Variants in ELAVL4 observed in about 807,000 individuals in gnomAD.
The protein encoded by ELAVL4 is ELAV like RNA binding protein 4.
A neutral mutation model predicts 35.6 loss-of-function variants in ELAVL4; 1 was observed. The ratio of observed to expected loss-of-function variants is 0.03; its 90% CI spans 0.01 to 0.13. The LOEUF (loss-of-function observed/expected upper bound fraction) is 0.13, where lower values mean the gene tolerates loss of function less well. Ranked by LOEUF, ELAVL4 falls within the 10% of genes least tolerant of loss-of-function variation. ELAVL4 has a pLI of 1.00. For synonymous variants in ELAVL4, 156 were observed against 171.0 expected, an observed-to-expected ratio of 0.91 and a Z score of 0.69; for missense variants, 267 against 464.9, an observed-to-expected ratio of 0.57 and a Z score of 3.91.
At chr1:50,067,696 T>C (rs994513298) in intron 1 of ELAVL4, among the ~76,000 whole-genome samples, 10 of 152,250 alleles carry the variant, frequency 6.6e-5, no homozygotes, top group Admixed American at 1.3e-4. Flanking sequence ...AAGCTTATTG[T>C]ATTAGTCCAT....
At chr1:50,195,417 G>A (rs1300695709) in intron 4 of ELAVL4, 144 bp from the exon 5 acceptor site, 5 of 818,652 alleles carry the variant, frequency 6.1e-6, no homozygotes, top group African/African-American at 3.4e-5. Context: ...TTTGATTGGT[G>A]AGAGAGATCA....
At chr1:50,106,166 T>G (rs1177897048), upstream of ELAVL4, 9 of 541,164 alleles carry the variant, frequency 1.7e-5, no homozygotes, top group Non-Finnish European at 2.5e-5. Flanking sequence ...CCTAGCCCAT[T>G]GTGCCACGTA....
At chr1:50,110,501 T>A (rs1167774656) in intron 1 of ELAVL4, among the ~76,000 whole-genome samples, 1 of 152,166 alleles carries the variant, frequency 6.6e-6, no homozygotes, top group African/African-American at 2.4e-5. Flanking sequence ...TTTAGCATCA[T>A]CTTTTTCTGA....
At chr1:50,171,347 G>C (rs1007939097) in intron 2 of ELAVL4, among the ~76,000 whole-genome samples, 3 of 152,190 alleles carry the variant, frequency 2.0e-5, no homozygotes, top group African/African-American at 7.2e-5. Context: ...TAGAGAGAAA[G>C]TGTGAACTGA....
At chr1:50,131,767 G>T (rs1422270601) in intron 1 of ELAVL4, among the ~76,000 whole-genome samples, 1 of 151,468 alleles carries the variant, frequency 6.6e-6, no homozygotes, top group African/African-American at 2.4e-5. Context: ...TCCAGCCTGG[G>T]GACAGAGCAA....
At chr1:50,116,395 G>GGTGTGT (rs139106566) in intron 1 of ELAVL4, among the ~76,000 whole-genome samples, 3 of 149,456 alleles carry the variant, frequency 2.0e-5, no homozygotes, top group Non-Finnish European at 4.5e-5. Context: ...TAAATACTGT[G>GGTGTGT]GTGTGTGTGT....
intron 1 of ELAVL4, 92 bp from the exon 2 acceptor site, chr1:50,144,865 T>G: frequency 6.4e-7 from 1 of 1,556,400 alleles, no homozygotes; most frequent in Non-Finnish European, 8.7e-7. Context: ...TATCTTCTTC[T>G]CTTTCTTTTC....
intron 2 of ELAVL4, among the ~76,000 whole-genome samples, chr1:50,167,945 C>T (rs903343972): frequency 2.0e-5 from 3 of 152,210 alleles, no homozygotes; most frequent in Non-Finnish European, 4.4e-5. Flanking sequence ...CCATTGGCTA[C>T]AGCCCATGAA....
intron 1 of ELAVL4, among the ~76,000 whole-genome samples, chr1:50,130,904 A>G (rs1670741187): frequency 6.6e-6 from 1 of 152,174 alleles, no homozygotes; most frequent in African/African-American, 2.4e-5. Flanking sequence ...GCCCTCAAAT[A>G]TATACCTGTA....
chr1:50,157,818 C>T (rs528553423), intron 2 of ELAVL4, among the ~76,000 whole-genome samples: 1 of 152,284 alleles, frequency 6.6e-6, no homozygotes, highest in East Asian at 1.9e-4. Context: ...CTGGTGTCCA[C>T]ATGTTGCCCA....
At chr1:50,112,179 A>G (rs1667184366) in intron 1 of ELAVL4, among the ~76,000 whole-genome samples, 1 of 151,918 alleles carries the variant, frequency 6.6e-6, no homozygotes, top group Non-Finnish European at 1.5e-5. Context: ...ATAAACTTGT[A>G]TTTTTTGTCA....
At chr1:50,181,529 C>G (rs1194289771) in intron 3 of ELAVL4, among the ~76,000 whole-genome samples, 1 of 152,210 alleles carries the variant, frequency 6.6e-6, no homozygotes, top group Non-Finnish European at 1.5e-5. Flanking sequence ...ACTAGCCTGC[C>G]AGAGCAGCCT....
chr1:50,133,594 G>GAAAAA (rs879311901), intron 1 of ELAVL4, among the ~76,000 whole-genome samples: 1 of 111,828 alleles, frequency 8.9e-6, no homozygotes, highest in Non-Finnish European at 1.9e-5. Context: ...AAGAAAGAAA[G>GAAAAA]AAAGAAAAGA....
chr1:50,143,528 G>A (rs1673171154), intron 1 of ELAVL4, among the ~76,000 whole-genome samples: 1 of 152,082 alleles, frequency 6.6e-6, no homozygotes, highest in East Asian at 1.9e-4. Flanking sequence ...TCACTGGATC[G>A]GTTCTTACCG....
chr1:50,051,687 T>C (rs1363662478), intron 1 of ELAVL4, among the ~76,000 whole-genome samples: 3 of 152,198 alleles, frequency 2.0e-5, no homozygotes, highest in East Asian at 3.8e-4. Context: ...AAATGAGGCA[T>C]CTATCAACTT....
At chr1:50,109,798 T>A (rs1458583325) in intron 1 of ELAVL4, 2 of 940,664 alleles carry the variant, frequency 2.1e-6, no homozygotes, top group Non-Finnish European at 3.3e-6. Flanking sequence ...GGAGGCGGCT[T>A]GTATGTGTAG....
At chr1:50,164,642 G>A (rs1016660549) in intron 2 of ELAVL4, among the ~76,000 whole-genome samples, 1 of 152,088 alleles carries the variant, frequency 6.6e-6, no homozygotes, top group East Asian at 1.9e-4. Flanking sequence ...ATAAAAGAAA[G>A]GGCTTTGGAT....
intron 2 of ELAVL4, among the ~76,000 whole-genome samples, chr1:50,148,523 A>G (rs1263684752): frequency 6.6e-6 from 1 of 152,186 alleles, no homozygotes; most frequent in African/African-American, 2.4e-5. Flanking sequence ...TCTGTTACTT[A>G]TCTTCTCAGA....
In ELAVL4 at chr1:50,195,681, C is replaced by T. The variant is rs1174438397; in HGVS notation, c.629C>T (p.Ala210Val). Reference sequence around the variant, plus strand: ...ACGGAACCGATTACTGTGAAGTTTGCCAACAACCCCAGCCAGAAGTCCAGC... The same window carrying T: ...ACGGAACCGATTACTGTGAAGTTTGTCAACAACCCCAGCCAGAAGTCCAGC... ...GATEPITVKF[A>V]NNPSQKSSQA... The change falls in exon 5 of 7, where the codon GCC becomes GTC. Residue 210 changes from alanine to valine, a missense_variant. Around this residue, in one of 2 missense-constraint regions of ELAVL4, gnomAD observed 216 missense variants for 409.5 expected, o/e 0.53. Coordinates refer to ENST00000371824, the MANE Select transcript of ELAVL4 (RefSeq NM_001144774.3). 1 of 1,614,142 alleles carries T rather than the reference C, an allele frequency of 6.2e-7. No individual in the cohort carries two copies. Among genetic ancestry groups the T allele is most frequent in the East Asian group, 2.2e-5 (1 of 44,870 alleles).
Sources: allele counts gnomAD v4.1 joint callset (sites outside exome capture counted in the v4.1 genomes callset), GRCh38; gene constraint gnomAD v4.1.1; regional missense constraint gnomAD v4.1.1; transcripts MANE v1.5; gene names NCBI Gene and HGNC (gene_info 2026-07-23, HGNC 2026-07-21).